The following HECW2 variants were observed in gnomAD, a reference collection of about 807,000 sequenced individuals.
HECW2 encodes HECT, C2 and WW domain containing E3 ubiquitin protein ligase 2, also known as E3 ubiquitin-protein ligase HECW2.
In HECW2, 61 loss-of-function variants were observed where a neutral mutation model predicts 175.2. The observed-to-expected ratio is 0.35, with a 90% CI of 0.28 to 0.43. HECW2 has a LOEUF of 0.43. HECW2 is among the 20% of genes least tolerant of loss of function. The probability of loss-of-function intolerance (pLI) is 1.00; values close to 1 mark genes in which losing one functional copy is unlikely to be tolerated. For missense variants in HECW2, 1,524 were observed against 2,000.5 expected, an observed-to-expected ratio of 0.76 and a Z score of 4.54; for synonymous variants, 671 against 731.0, an observed-to-expected ratio of 0.92 and a Z score of 1.32.
intron 2 of HECW2, among the ~76,000 whole-genome samples, chr2:196,364,004 A>G (rs1016756427): frequency 2.6e-5 from 4 of 152,162 alleles, no homozygotes; most frequent in African/African-American, 7.2e-5. Context: ...GCTCTTGACT[A>G]CTTTCTAGTT....
chr2:196,525,665 C>A (rs62139525), intron 1 of HECW2, among the ~76,000 whole-genome samples: 2 of 150,518 alleles, frequency 1.3e-5, no homozygotes, highest in Non-Finnish European at 3.0e-5. Flanking sequence ...TCTTTTAGGG[C>A]AGGCCTGGTG....
intron 13 of HECW2, among the ~76,000 whole-genome samples, chr2:196,297,736 C>T (rs1422612956): frequency 6.6e-6 from 1 of 152,188 alleles, no homozygotes; most frequent in African/African-American, 2.4e-5. Flanking sequence ...CTATAGCAAA[C>T]ATCTCTCATA....
At chr2:196,344,142 A>G (rs1692864015) in intron 2 of HECW2, among the ~76,000 whole-genome samples, 1 of 152,146 alleles carries the variant, frequency 6.6e-6, no homozygotes, top group Non-Finnish European at 1.5e-5. Context: ...GAACAGACCT[A>G]GGAGAATATA....
At chr2:196,283,680 G>A (rs1319649622) in intron 14 of HECW2, among the ~76,000 whole-genome samples, 1 of 152,094 alleles carries the variant, frequency 6.6e-6, no homozygotes. Flanking sequence ...CATGCCTGGT[G>A]AGAATACAGT....
chr2:196,435,380 T>A (rs1164696070), intron 1 of HECW2, among the ~76,000 whole-genome samples: 2 of 152,228 alleles, frequency 1.3e-5, no homozygotes, highest in African/African-American at 4.8e-5. Flanking sequence ...GGCCATTATT[T>A]CTTTATAAAC....
chr2:196,362,125 A>G, intron 2 of HECW2: 1 of 985,348 alleles, frequency 1.0e-6, no homozygotes, highest in Non-Finnish European at 1.2e-6. Flanking sequence ...GAATGACACT[A>G]AAAGCCACTC....
chr2:196,330,907 T>C (rs1437263436), intron 4 of HECW2, among the ~76,000 whole-genome samples: 1 of 152,174 alleles, frequency 6.6e-6, no homozygotes. Context: ...TTGCTTTTAC[T>C]ACTTAACTAC....
intron 1 of HECW2, among the ~76,000 whole-genome samples, chr2:196,520,040 T>C (rs1688299344): frequency 6.6e-6 from 1 of 152,196 alleles, no homozygotes; most frequent in Admixed American, 6.5e-5. Context: ...TACAAAACTC[T>C]AGTGACTAAA....
intron 2 of HECW2, among the ~76,000 whole-genome samples, chr2:196,416,307 A>G (rs908355286): frequency 6.6e-6 from 1 of 152,348 alleles, no homozygotes; most frequent in Non-Finnish European, 1.5e-5. Context: ...TTAAAATCCC[A>G]AGGACAGTGT....
intron 2 of HECW2, among the ~76,000 whole-genome samples, chr2:196,348,352 CAAT>C (rs1302927061): frequency 6.6e-6 from 1 of 151,946 alleles, no homozygotes; most frequent in Non-Finnish European, 1.5e-5. Flanking sequence ...AAAGTAAGAA[CAAT>C]AGTGGGCCCA....
intron 21 of HECW2, among the ~76,000 whole-genome samples, 177 bp from the exon 22 acceptor site, chr2:196,228,431 C>G (rs1042054485): frequency 1.3e-5 from 2 of 152,230 alleles, no homozygotes; most frequent in East Asian, 1.9e-4. Flanking sequence ...TGTCTTGACC[C>G]AGATTAGTAA....
chr2:196,405,865 A>G (rs1694954079), intron 2 of HECW2, among the ~76,000 whole-genome samples: 3 of 151,676 alleles, frequency 2.0e-5, no homozygotes, highest in African/African-American at 7.3e-5. Context: ...ACCCCCACCA[A>G]TCCTGTCAAG....
intron 1 of HECW2, among the ~76,000 whole-genome samples, chr2:196,588,190 C>T (rs575856261): frequency 6.6e-6 from 1 of 152,228 alleles, no homozygotes; most frequent in East Asian, 1.9e-4. Flanking sequence ...CCTGCCTGCC[C>T]CCAACAGAAT....
rs1178271381 is a variant in HECW2, at chr2:196,254,034, G to A, written c.3420-5C>T. The stretch of plus-strand genomic sequence containing the variant: ...ATTATCTCTTCTTCAAATAAGCTGG[G>A]GAAAGACAAGAAACAAAACGGGCAC... On this transcript the variant is annotated splice_polypyrimidine_tract_variant and splice_region_variant and intron_variant, in intron 18 of 28. Transcript: ENST00000644978. The A allele has an allele frequency of 1.2e-6, 2 of 1,613,098 alleles. No individual in the cohort carries two copies. Among genetic ancestry groups the A allele is most frequent in the South Asian group, 1.1e-5 (1 of 91,050 alleles).
intron 2 of HECW2, among the ~76,000 whole-genome samples, chr2:196,360,105 TA>T (rs1010988296): frequency 2.1e-4 from 31 of 151,022 alleles, no homozygotes; most frequent in African/African-American, 6.1e-4. Context: ...ACCCTGTCTC[TA>T]AAAAAAAATT....
chr2:196,490,528 T>C (rs578124351), intron 1 of HECW2, among the ~76,000 whole-genome samples: 1 of 152,276 alleles, frequency 6.6e-6, no homozygotes, highest in African/African-American at 2.4e-5. Flanking sequence ...GAAAAGTCAC[T>C]CTGGAAAATA....
rs542407502 is a variant in HECW2, at chr2:196,495,562, T to C, written c.-35-62104A>G. Among the ~76,000 whole-genome samples the C allele has an allele frequency of 3.3e-5, 5 of 152,198 alleles. No individual in the cohort carries two copies. In the South Asian group the frequency reaches 1.0e-3, roughly 32 times the overall value. On this transcript the variant is annotated intron_variant, in intron 1 of 28. Coordinates refer to ENST00000644978, the MANE Select transcript of HECW2 (RefSeq NM_001348768.2). The stretch of plus-strand genomic sequence containing the variant: ...ACTTCTATATAAACAGCCTGCAGAA[T>C]GAGTGGGATTTAGACATGCAGAGAC...
chr2:196,266,214 G>A (rs2105947993), intron 17 of HECW2, among the ~76,000 whole-genome samples: 1 of 151,672 alleles, frequency 6.6e-6, no homozygotes, highest in East Asian at 1.9e-4. Context: ...GGGCAAGGTG[G>A]TGTGCTCCTG....
intron 2 of HECW2, among the ~76,000 whole-genome samples, chr2:196,374,021 G>A (rs1693979739): frequency 6.8e-6 from 1 of 146,984 alleles, no homozygotes; most frequent in South Asian, 2.1e-4. Flanking sequence ...GACAGAGAGA[G>A]ACTCCGTCTC....
Sources: gnomAD v4.1 joint callset for allele counts (sites outside exome capture counted in the v4.1 genomes callset) on GRCh38, gnomAD v4.1.1 for gene constraint, MANE v1.5 for transcripts, NCBI Gene and HGNC (gene_info 2026-07-23, HGNC 2026-07-21) for gene names.